Variants in GLDN observed in about 807,000 individuals in gnomAD.
GLDN encodes collomin.
In GLDN, 47 loss-of-function variants were observed where a neutral mutation model predicts 56.5. The ratio of observed to expected loss-of-function variants is 0.83; its 90% CI spans 0.66 to 1.06. The LOEUF is 1.06. Ranked by LOEUF, GLDN falls within the 50% of genes least tolerant of loss-of-function variation. The probability of loss-of-function intolerance (pLI) is 0.00; values close to 1 mark genes in which losing one functional copy is unlikely to be tolerated. For missense variants in GLDN, 782 were observed against 714.3 expected, an observed-to-expected ratio of 1.09 and a Z score of -1.08; for synonymous variants, 332 against 278.8, an observed-to-expected ratio of 1.19 and a Z score of -1.90.
At chr15:51,351,133 A>T (rs2037068546) in intron 1 of GLDN, 2 of 297,996 alleles carry the variant, frequency 6.7e-6, no homozygotes, top group African/African-American at 2.2e-5. Context: ...TTCTCTTCTT[A>T]TCTCCTCCCA....
At chr15:51,400,581 G>T in intron 8 of GLDN, 83 bp downstream of exon 8, 1 of 1,417,520 alleles carries the variant, frequency 7.1e-7, no homozygotes, top group African/African-American at 1.4e-5. Context: ...TATTCCATTT[G>T]TGTGTGTCTG....
At chr15:51,388,296 T>C (rs1391733630) in intron 4 of GLDN, among the ~76,000 whole-genome samples, 2 of 152,108 alleles carry the variant, frequency 1.3e-5, no homozygotes, top group East Asian at 1.9e-4. Context: ...ATCAAAATAT[T>C]GATCTTTCCC....
In GLDN at chr15:51,404,653, A is replaced by G; in HGVS notation, c.1555A>G (p.Met519Val). The change falls in exon 10 of 10, where the codon ATG becomes GTG. Residue 519 changes from methionine to valine, a missense_variant. Physicochemically the swap from Met to Val is conservative, Grantham distance 21. Transcript: ENST00000335449. ...DLRTSQSVLA[M>V]LAYNMRDQHL... ...AAGAACTTCCCAGTCTGTTCTTGCC[A>G]TGTTAGCATACAACATGAGAGATCA... 1.2e-6 allele frequency: 2 copies of G among 1,613,052 alleles called. No individual in the cohort carries two copies. The highest frequency in any genetic ancestry group is 1.7e-6 in the Non-Finnish European group (2 of 1,178,962).
intron 9 of GLDN, 132 bp from the exon 10 acceptor site, chr15:51,404,145 G>A (rs2038316316): frequency 1.4e-6 from 1 of 699,844 alleles, no homozygotes; most frequent in African/African-American, 1.8e-5. Context: ...CATTACCTGG[G>A]AGCTTGTAAG....
chr15:51,408,118 A>G (rs1595846469), downstream of GLDN: 1 of 152,360 alleles, frequency 6.6e-6, no homozygotes, highest in Non-Finnish European at 1.5e-5. Context: ...TCCTCTGTGG[A>G]AACTCAATTT....
In GLDN at chr15:51,400,255, A is replaced by G; in HGVS notation, c.881A>G (p.Glu294Gly). 1.2e-6 allele frequency: 2 copies of G among 1,614,222 alleles called. No homozygotes were observed. Among genetic ancestry groups the G allele is most frequent in the African/African-American group, 1.3e-5 (1 of 75,054 alleles). ...LVGKADEKAS[E>G]HHSPQAESMI... ...GGAAAAGCTGATGAGAAAGCCAGTG[A>G]ACACCATTCCCCACAAGCAGGTATA... The change falls in exon 7 of 10, where the codon GAA (glutamate) becomes GGA (glycine). Residue 294 changes from glutamate to glycine, a missense_variant. By Grantham distance (98) the Glu-to-Gly change is moderately conservative (BLOSUM62 -2). Transcript: ENST00000335449.
At chr15:51,357,506 G>A (rs944342379) in intron 1 of GLDN, among the ~76,000 whole-genome samples, 1 of 152,214 alleles carries the variant, frequency 6.6e-6, no homozygotes. Flanking sequence ...GACAAGTGCA[G>A]CCATCTGACT....
chr15:51,356,416 G>C (rs899236167), intron 1 of GLDN, among the ~76,000 whole-genome samples: 1 of 152,166 alleles, frequency 6.6e-6, no homozygotes, highest in Non-Finnish European at 1.5e-5. Flanking sequence ...CTTTAGAAGT[G>C]AGGATGCTGA....
downstream of GLDN, among the ~76,000 whole-genome samples, chr15:51,408,587 G>T (rs574268697): frequency 6.6e-6 from 1 of 151,912 alleles, no homozygotes; most frequent in Non-Finnish European, 1.5e-5. Context: ...TGTGCACAAC[G>T]TGCAGGTTAC....
At chr15:51,371,978 C>T (rs1187265917) in intron 1 of GLDN, among the ~76,000 whole-genome samples, 1 of 152,198 alleles carries the variant, frequency 6.6e-6, no homozygotes, top group African/African-American at 2.4e-5. Context: ...AGCCGCCGCG[C>T]CTGGCCAGGA....
intron 2 of GLDN, among the ~76,000 whole-genome samples, chr15:51,381,738 C>G (rs75985174): frequency 6.6e-6 from 1 of 151,852 alleles, no homozygotes; most frequent in Non-Finnish European, 1.5e-5. Context: ...AAGCTTGTCA[C>G]TGAGTTGACA....
chr15:51,399,265 C>T (rs1051850102), intron 6 of GLDN, among the ~76,000 whole-genome samples: 2 of 152,114 alleles, frequency 1.3e-5, no homozygotes, highest in African/African-American at 4.8e-5. Flanking sequence ...CATGGAGGGT[C>T]GGGCTCCCTT....
intron 4 of GLDN, among the ~76,000 whole-genome samples, chr15:51,387,298 A>T (rs1435140935): frequency 1.3e-5 from 2 of 152,226 alleles, no homozygotes; most frequent in Non-Finnish European, 2.9e-5. Context: ...CTGTTCTGGA[A>T]CTTTCCATCT....
chr15:51,399,760 C>A (rs1261090511), intron 6 of GLDN, among the ~76,000 whole-genome samples: 2 of 152,228 alleles, frequency 1.3e-5, no homozygotes, highest in African/African-American at 4.8e-5. Flanking sequence ...GGGGCTGCTA[C>A]TTCACAGCTT....
chr15:51,395,310 C>T (rs1213021485), intron 5 of GLDN, among the ~76,000 whole-genome samples: 1 of 152,210 alleles, frequency 6.6e-6, no homozygotes, highest in South Asian at 2.1e-4. Flanking sequence ...ACTTACGACA[C>T]CTCAGAGGAC....
rs75751773 is a variant in GLDN, at chr15:51,366,879, G to GA, written c.364-10559dup. On this transcript the variant is annotated intron_variant, in intron 1 of 9. Transcript: ENST00000335449. ...TGGACAACAGAGTAAGACCCTGTCT[G>GA]AAAAAAAAAAAGTATGAATTGAGGA... 4.7e-4 allele frequency among the ~76,000 whole-genome samples: 69 copies of GA among 145,420 alleles called. 1 individual carries two copies. The highest frequency in any genetic ancestry group is 7.0e-3 in the Middle Eastern group (2 of 284).
Position 51,394,860 on chromosome 15 carries a change from A to G in GLDN, c.567A>G (p.Pro189=), listed in dbSNP as rs749209974. Residue 189 remains proline, a synonymous_variant, in exon 5 of 10, where the codon CCA becomes CCG. Transcript: ENST00000335449. ...GGATACCTGGAGCTGCAGGAAATCC[A>G]GGGGAAAGGGGAGAAAAGGGAGACC... is the stretch of plus-strand genomic sequence containing the variant. ...KMGIPGAAGN[P]GERGEKGDHG... 8 of 1,613,864 alleles carry G rather than the reference A, an allele frequency of 5.0e-6. No individual in the cohort carries two copies. In the South Asian group the frequency reaches 8.8e-5, roughly 18 times the overall value.
downstream of GLDN, among the ~76,000 whole-genome samples, chr15:51,411,354 CT>C (rs1226854389): frequency 3.3e-5 from 5 of 152,208 alleles, no homozygotes; most frequent in African/African-American, 1.2e-4. Flanking sequence ...AGAAGACCTG[CT>C]ATGCCAAGGT....
chr15:51,378,957 C>A (rs2037695317), intron 2 of GLDN, among the ~76,000 whole-genome samples: 1 of 152,128 alleles, frequency 6.6e-6, no homozygotes, highest in Non-Finnish European at 1.5e-5. Context: ...CAGAGCAGAA[C>A]CTGGGCTTGG....
Sources: allele counts gnomAD v4.1 joint callset (sites outside exome capture counted in the v4.1 genomes callset), GRCh38; gene constraint gnomAD v4.1.1; transcripts MANE v1.5; gene names NCBI Gene and HGNC (gene_info 2026-07-23, HGNC 2026-07-21).